Variants in OSBPL10 observed in about 807,000 individuals in gnomAD.
OSBPL10 encodes oxysterol binding protein like 10, also known as oxysterol-binding protein-related protein 10.
Under a neutral mutation model 81.7 loss-of-function variants are expected in OSBPL10, and 49 were observed. The observed-to-expected ratio is 0.60, with a 90% CI of 0.48 to 0.76. OSBPL10 has a LOEUF of 0.76. Ranked by LOEUF, OSBPL10 falls within the 30% of genes least tolerant of loss-of-function variation. The pLI, the probability that OSBPL10 is intolerant of heterozygous loss-of-function variation, is 0.00. For synonymous variants in OSBPL10, 419 were observed against 383.6 expected, an observed-to-expected ratio of 1.09 and a Z score of -1.08; for missense variants, 923 against 987.8, an observed-to-expected ratio of 0.93 and a Z score of 0.88.
intron 4 of OSBPL10, among the ~76,000 whole-genome samples, chr3:31,778,231 C>T (rs915534847): frequency 2.6e-5 from 4 of 152,166 alleles, no homozygotes. Flanking sequence ...CTGGGTGAAG[C>T]CTATTGCTAC....
intron 4 of OSBPL10, among the ~76,000 whole-genome samples, chr3:31,780,589 A>C (rs946864563): frequency 6.6e-6 from 1 of 152,172 alleles, no homozygotes; most frequent in Non-Finnish European, 1.5e-5. Flanking sequence ...ATAAGAGAGA[A>C]GAGCTAAATA....
At chr3:31,704,956 A>G (rs975530765) in intron 6 of OSBPL10, 1 of 152,234 alleles carries the variant, frequency 6.6e-6, no homozygotes, top group Non-Finnish European at 1.5e-5. Context: ...CCCACTGTAA[A>G]TCAACAGCAC....
intron 4 of OSBPL10, among the ~76,000 whole-genome samples, chr3:31,756,912 G>A (rs1342380832): frequency 6.6e-6 from 1 of 152,206 alleles, no homozygotes; most frequent in Non-Finnish European, 1.5e-5. Context: ...ATGGAAAAGT[G>A]TTCAGAAACT....
At position 31,840,095 on chromosome 3, in the gene OSBPL10, G is replaced by A. The variant is rs115857373; in HGVS notation, c.538-9864C>T. Among the ~76,000 whole-genome samples the A allele has an allele frequency of 2.4e-3, 361 of 150,910 alleles. 2 individuals are homozygous for A. Among genetic ancestry groups the A allele is most frequent in the African/African-American group, 8.1e-3 (335 of 41,236 alleles). The stretch of plus-strand genomic sequence containing the variant: ...TTTCTTCTCACGTCTCATTGTAATC[G>A]ACCCAGAAGATACTTTATGCCAGTA... On this transcript the variant is annotated intron_variant, in intron 3 of 11. Transcript: ENST00000396556.
At chr3:32,032,489 T>C (rs1240679830) in intron 2 of OSBPL10, among the ~76,000 whole-genome samples, 4 of 152,058 alleles carry the variant, frequency 2.6e-5, no homozygotes, top group Middle Eastern at 6.8e-3. Flanking sequence ...TGAAATAAAA[T>C]CTATGGCAAT....
At chr3:31,877,713 T>C (rs1346913698) in intron 2 of OSBPL10, among the ~76,000 whole-genome samples, 1 of 152,190 alleles carries the variant, frequency 6.6e-6, no homozygotes. Context: ...GGAAATTCGT[T>C]GCTTAGTCCT....
At chr3:32,021,978 C>T (rs1393225865) in intron 2 of OSBPL10, among the ~76,000 whole-genome samples, 7 of 14,796 alleles carry the variant, frequency 4.7e-4, no homozygotes, top group East Asian at 0.016. Context: ...TAATCTGTCT[C>T]GAAAAAAAAA....
At chr3:32,069,383 G>A (rs560853551) in intron 1 of OSBPL10, among the ~76,000 whole-genome samples, 1 of 152,208 alleles carries the variant, frequency 6.6e-6, no homozygotes, top group East Asian at 1.9e-4. Context: ...CTACCAGGCA[G>A]ATTCCCCAGG....
At chr3:31,991,073 A>G in intron 2 of OSBPL10, 1 of 1,207,122 alleles carries the variant, frequency 8.3e-7, no homozygotes, top group Non-Finnish European at 1.2e-6. Flanking sequence ...AATTGACATT[A>G]GAGTCAATTC....
At chr3:31,724,282 C>T (rs1436886016) in intron 6 of OSBPL10, among the ~76,000 whole-genome samples, 1 of 152,098 alleles carries the variant, frequency 6.6e-6, no homozygotes, top group Non-Finnish European at 1.5e-5. Flanking sequence ...CGGTGCTGAG[C>T]TTTTTTATAT....
At chr3:31,755,283 T>G (rs1381274902) in intron 4 of OSBPL10, among the ~76,000 whole-genome samples, 3 of 152,230 alleles carry the variant, frequency 2.0e-5, no homozygotes, top group African/African-American at 7.2e-5. Context: ...CATTTTTTTA[T>G]GCCTAACGGT....
Position 31,778,376 on chromosome 3 carries a change from C to G in OSBPL10, c.730-30256G>C, listed in dbSNP as rs570693325. Among the ~76,000 whole-genome samples, 36 of 152,262 alleles carry G rather than the reference C, an allele frequency of 2.4e-4. No individual in the cohort carries two copies. The East Asian group carries it at 7.0e-3, about 29-fold the overall frequency. On this transcript the variant is annotated intron_variant, in intron 4 of 11. Coordinates refer to ENST00000396556, the MANE Select transcript of OSBPL10 (RefSeq NM_017784.5). ...TGCCCAAGGAGAGTCTGAGCTCAGA[C>G]CCGCCTAACCCTGCCTGCCTCCACC...
intron 3 of OSBPL10, among the ~76,000 whole-genome samples, chr3:31,834,593 CAA>C (rs1438941136): frequency 6.6e-6 from 1 of 152,188 alleles, no homozygotes. Context: ...CCCAAGGTTG[CAA>C]AGAGAAGACA....
rs554264828 is a variant in OSBPL10, at chr3:31,802,349, G to A, written c.729+27691C>T. Among the ~76,000 whole-genome samples, 145 of 151,230 alleles carry A rather than the reference G, an allele frequency of 9.6e-4. 1 individual carries two copies. The highest frequency in any genetic ancestry group is 6.8e-3 in the Middle Eastern group (2 of 292). On this transcript the variant is annotated intron_variant, in intron 4 of 11. Coordinates refer to ENST00000396556, the MANE Select transcript of OSBPL10 (RefSeq NM_017784.5). ...AAGGCGGACAGATCATCTGAGGTCAGGAGTTCAAGACCAGCCTGGGCAACA... is the reference window on the plus strand; with the variant it reads ...AAGGCGGACAGATCATCTGAGGTCAAGAGTTCAAGACCAGCCTGGGCAACA...
chr3:31,806,557 C>T (rs990980254), intron 4 of OSBPL10, among the ~76,000 whole-genome samples: 1 of 152,196 alleles, frequency 6.6e-6, no homozygotes, highest in Non-Finnish European at 1.5e-5. Context: ...GTTAGAAAAG[C>T]AGAGCAAGTA....
intron 1 of OSBPL10, among the ~76,000 whole-genome samples, chr3:31,953,987 A>G (rs1697941574): frequency 6.6e-6 from 1 of 152,234 alleles, no homozygotes. Flanking sequence ...AAAGCTAAAT[A>G]GGAACTTGTT....
At chr3:32,012,295 C>T (rs1238030919) in intron 2 of OSBPL10, among the ~76,000 whole-genome samples, 1 of 152,168 alleles carries the variant, frequency 6.6e-6, no homozygotes, top group Non-Finnish European at 1.5e-5. Context: ...ATTCAACATT[C>T]TTAAAGAAAA....
At chr3:31,802,942 C>T (rs7630579) in intron 4 of OSBPL10, among the ~76,000 whole-genome samples, 22,056 of 148,142 alleles carry the variant, frequency 0.15, 3,240 homozygotes, top group African/African-American at 0.39. Context: ...CAAACTTGTA[C>T]CTTATTTAGA....
chr3:31,846,799 T>TG (rs1163989801), intron 3 of OSBPL10, among the ~76,000 whole-genome samples: 3 of 152,168 alleles, frequency 2.0e-5, no homozygotes, highest in Non-Finnish European at 4.4e-5. Flanking sequence ...CTGGTGCTCC[T>TG]GAGCATGCCC....
Sources: gnomAD v4.1 joint callset for allele counts (sites outside exome capture counted in the v4.1 genomes callset) on GRCh38, gnomAD v4.1.1 for gene constraint, MANE v1.5 for transcripts, NCBI Gene and HGNC (gene_info 2026-07-23, HGNC 2026-07-21) for gene names.